Variants in MKRN2OS observed in about 807,000 individuals in gnomAD.
MKRN2OS encodes MKRN2 opposite strand protein.
Under a neutral mutation model 18.2 loss-of-function variants are expected in MKRN2OS, and 17 were observed. That is an observed-to-expected ratio of 0.93 (90% CI 0.64 to 1.40). The LOEUF (loss-of-function observed/expected upper bound fraction) is 1.40. Ranked by LOEUF, MKRN2OS falls within the 40% of genes most tolerant of loss-of-function variation. MKRN2OS has a pLI of 0.00. For missense variants in MKRN2OS, 337 were observed against 283.0 expected, an observed-to-expected ratio of 1.19 and a Z score of -1.37; for synonymous variants, 121 against 108.5, an observed-to-expected ratio of 1.12 and a Z score of -0.72.
intron 1 of MKRN2OS, chr3:12,557,052 TGA>T: frequency 1.3e-6 from 1 of 773,048 alleles, no homozygotes; most frequent in Admixed American, 5.7e-5. Context: ...TGCGCCGGCG[TGA>T]CGCGGCTACG....
intron 1 of MKRN2OS, among the ~76,000 whole-genome samples, chr3:12,555,441 A>G (rs1042871842): frequency 6.6e-6 from 1 of 152,198 alleles, no homozygotes; most frequent in Non-Finnish European, 1.5e-5. Context: ...AATTCCTGAG[A>G]AAAATTTCAA....
chr3:12,554,526 C>G (rs887804483), intron 1 of MKRN2OS, among the ~76,000 whole-genome samples: 1 of 151,148 alleles, frequency 6.6e-6, no homozygotes, highest in African/African-American at 2.4e-5. Context: ...ATATATTGCC[C>G]ATGACACAGA....
chr3:12,543,021 T>G (rs574552562), intron 2 of MKRN2OS, among the ~76,000 whole-genome samples, 159 bp downstream of exon 2: 1 of 152,312 alleles, frequency 6.6e-6, no homozygotes, highest in Admixed American at 6.5e-5. Context: ...TAAAGTCAAA[T>G]ATTTCTCATT....
intron 1 of MKRN2OS, among the ~76,000 whole-genome samples, chr3:12,544,400 G>T (rs1396439581): frequency 6.6e-6 from 1 of 152,142 alleles, no homozygotes; most frequent in African/African-American, 2.4e-5. Flanking sequence ...ACCTGGCGGG[G>T]CACAGTGGCT....
At chr3:12,556,638 T>G (rs967208683) in intron 1 of MKRN2OS, among the ~76,000 whole-genome samples, 3 of 151,864 alleles carry the variant, frequency 2.0e-5, no homozygotes, top group Admixed American at 6.5e-5. Flanking sequence ...GCTAAGGAAT[T>G]TCCTTAAGTG....
downstream of MKRN2OS, among the ~76,000 whole-genome samples, chr3:12,552,564 A>G (rs2057937563): frequency 6.6e-6 from 1 of 151,386 alleles, no homozygotes; most frequent in Non-Finnish European, 1.5e-5. Context: ...GGCATGCACC[A>G]CCACACCTGA....
chr3:12,551,096 C>T (rs1278809263), downstream of MKRN2OS, among the ~76,000 whole-genome samples: 1 of 151,996 alleles, frequency 6.6e-6, no homozygotes, highest in African/African-American at 2.4e-5. Flanking sequence ...TGGTTACATA[C>T]CGCTTTCACC....
At chr3:12,542,086 C>T (rs2057822784) in intron 2 of MKRN2OS, 64 bp from the exon 3 acceptor site, 9 of 1,463,528 alleles carry the variant, frequency 6.1e-6, no homozygotes, top group Non-Finnish European at 8.2e-6. Flanking sequence ...GAAAAAGAGA[C>T]ATCAGAAAAT....
upstream of MKRN2OS, among the ~76,000 whole-genome samples, chr3:12,548,456 A>ATG (rs2125293173): frequency 2.4e-5 from 1 of 41,830 alleles, no homozygotes; most frequent in South Asian, 4.3e-4. Context: ...TCAAAAAAAA[A>ATG]AAAAAAAAAA....
At chr3:12,543,035 G>A (rs2057837032) in intron 2 of MKRN2OS, 145 bp downstream of exon 2, 1 of 551,654 alleles carries the variant, frequency 1.8e-6, no homozygotes. Flanking sequence ...TCTCATTTGT[G>A]GGCAATGCCT....
At chr3:12,549,895 G>T (rs1438122076), upstream of MKRN2OS, among the ~76,000 whole-genome samples, 1 of 152,142 alleles carries the variant, frequency 6.6e-6, no homozygotes, top group Admixed American at 6.6e-5. Flanking sequence ...AAGTTTTCTA[G>T]TGATGAACTC....
intron 1 of MKRN2OS, among the ~76,000 whole-genome samples, chr3:12,557,538 G>A (rs2057988998): frequency 6.6e-6 from 1 of 152,266 alleles, no homozygotes; most frequent in South Asian, 2.1e-4. Flanking sequence ...TGAGTAAAGG[G>A]ACGCCGAGAG....
At chr3:12,557,972 T>A (rs1226445427) in intron 1 of MKRN2OS, among the ~76,000 whole-genome samples, 1 of 152,248 alleles carries the variant, frequency 6.6e-6, no homozygotes, top group African/African-American at 2.4e-5. Flanking sequence ...CCTCATTGCT[T>A]GGTCAGCTTG....
At chr3:12,549,672 C>CA (rs1449946992), upstream of MKRN2OS, among the ~76,000 whole-genome samples, 1 of 152,178 alleles carries the variant, frequency 6.6e-6, no homozygotes, top group East Asian at 1.9e-4. Context: ...TTCAGCCTCC[C>CA]AATCAGCTGG....
chr3:12,554,163 T>C (rs1402781687), intron 1 of MKRN2OS: 1 of 152,204 alleles, frequency 6.6e-6, no homozygotes, highest in African/African-American at 2.4e-5. Flanking sequence ...AGCTGGTGGT[T>C]AGCAAGCAGA....
intron 1 of MKRN2OS, among the ~76,000 whole-genome samples, 160 bp downstream of exon 1, chr3:12,545,087 A>G (rs1372923543): frequency 1.3e-5 from 2 of 152,216 alleles, no homozygotes; most frequent in African/African-American, 4.8e-5. Flanking sequence ...ATCTGTTTTT[A>G]TGAAGCCAGT....
intron 1 of MKRN2OS, among the ~76,000 whole-genome samples, chr3:12,558,793 A>G (rs2058007695): frequency 6.6e-6 from 1 of 152,282 alleles, no homozygotes; most frequent in East Asian, 1.9e-4. Context: ...ATTGGGTTGG[A>G]ATGTTGAGAA....
chr3:12,540,486 G>A (rs1419182005), intron 3 of MKRN2OS, 53 bp from the exon 4 acceptor site: 8 of 1,532,880 alleles, frequency 5.2e-6, no homozygotes, highest in Admixed American at 2.0e-5. Context: ...AGAACAGGCT[G>A]TCAAGCTACT....
upstream of MKRN2OS, among the ~76,000 whole-genome samples, chr3:12,550,494 C>T (rs751937174): frequency 1.6e-4 from 25 of 152,186 alleles, no homozygotes; most frequent in Non-Finnish European, 2.5e-4. Context: ...TGTCATTATA[C>T]ATTTGTCAAA....
Sources: gnomAD v4.1 joint callset for allele counts (sites outside exome capture counted in the v4.1 genomes callset) on GRCh38, gnomAD v4.1.1 for gene constraint, MANE v1.5 for transcripts, NCBI Gene and HGNC (gene_info 2026-07-23, HGNC 2026-07-21) for gene names.